The following DDX60 variants were observed in gnomAD, a reference collection of about 807,000 sequenced individuals.
DDX60 encodes probable ATP-dependent RNA helicase DDX60.
Under a neutral mutation model 212.8 loss-of-function variants are expected in DDX60, and 165 were observed. That is an observed-to-expected ratio of 0.78 (90% CI 0.68 to 0.88). The LOEUF (loss-of-function observed/expected upper bound fraction) is 0.88, where lower values mean the gene tolerates loss of function less well. Ranked by LOEUF, DDX60 falls within the 40% of genes least tolerant of loss-of-function variation. The pLI is 0.00. For synonymous variants in DDX60, 703 were observed against 685.3 expected (o/e 1.03, Z -0.40); for missense variants, 1,905 against 2,003.9 (o/e 0.95, Z 0.94).
chr4:168,316,307 ACTT>A (rs1184482236), intron 1 of DDX60, among the ~76,000 whole-genome samples: 2 of 152,214 alleles, frequency 1.3e-5, no homozygotes, highest in South Asian at 2.1e-4. Context: ...ACTGCTGTTT[ACTT>A]CTTTTTTACT....
At chr4:168,221,101 A>G (rs1453786801) in intron 36 of DDX60, among the ~76,000 whole-genome samples, 1 of 152,190 alleles carries the variant, frequency 6.6e-6, no homozygotes, top group Non-Finnish European at 1.5e-5. Context: ...ACAGTGCTCA[A>G]CATCTTTGAA....
chr4:168,296,452 A>T (rs1736347210), intron 6 of DDX60, among the ~76,000 whole-genome samples: 1 of 152,130 alleles, frequency 6.6e-6, no homozygotes, highest in Non-Finnish European at 1.5e-5. Flanking sequence ...GACAAAGAAG[A>T]ATTTGAGGGC....
chr4:168,323,917 A>T, the DDX60 span, among the ~76,000 whole-genome samples: 5 of 152,218 alleles, frequency 3.3e-5, no homozygotes, highest in Admixed American at 3.3e-4. Flanking sequence ...AAGGATGGAA[A>T]GTCGCCACAT....
intron 18 of DDX60, 28 bp downstream of exon 18, chr4:168,273,251 A>G: frequency 6.2e-7 from 1 of 1,603,686 alleles, no homozygotes; most frequent in Non-Finnish European, 8.5e-7. Flanking sequence ...ATAATTTGAT[A>G]ACACACTTAT....
In DDX60 at chr4:168,280,594, C is replaced by T; in HGVS notation, c.1723-4G>A. 4 of 1,596,658 alleles carry T rather than the reference C, an allele frequency of 2.5e-6. No individual in the cohort carries two copies. The highest frequency in any genetic ancestry group is 2.2e-5 in the East Asian group (1 of 44,738). ...CAATTATTTCAGCCTTGGTCTCCTGCCCCAAAGGAAAAAACATCTCTTAAG... is the reference window on the plus strand; with the variant it reads ...CAATTATTTCAGCCTTGGTCTCCTGTCCCAAAGGAAAAAACATCTCTTAAG... On this transcript the variant is annotated splice_polypyrimidine_tract_variant and splice_region_variant and intron_variant, in intron 13 of 37. Coordinates refer to ENST00000393743, the MANE Select transcript of DDX60 (RefSeq NM_017631.6).
intron 33 of DDX60, among the ~76,000 whole-genome samples, chr4:168,228,234 A>G (rs1317846269): frequency 2.0e-5 from 3 of 152,106 alleles, no homozygotes; most frequent in Non-Finnish European, 2.9e-5. Flanking sequence ...TAAAAATACA[A>G]TATTATATTT....
chr4:168,262,278 G>T, intron 23 of DDX60, 150 bp from the exon 24 acceptor site: 1 of 794,838 alleles, frequency 1.3e-6, no homozygotes, highest in Non-Finnish European at 1.9e-6. Context: ...AATGCATAAC[G>T]TTACTAGGAT....
chr4:168,296,874 CTTTTT>C (rs35177897), intron 6 of DDX60, among the ~76,000 whole-genome samples: 1 of 134,786 alleles, frequency 7.4e-6, no homozygotes, highest in Non-Finnish European at 1.6e-5. Flanking sequence ...AAAAAGTGAT[CTTTTT>C]TTTTTTTTTT....
In DDX60 at chr4:168,251,084, C is replaced by G. The variant is rs1406427975; in HGVS notation, c.3728G>C (p.Arg1243Pro). ...DTETLQKVFGRVKFERKGEEL... is the reference protein window; with the variant it reads ...DTETLQKVFGPVKFERKGEEL... ...TTCACCTTTTCTTTCAAATTTTACT[C>G]GACCAAATACCTTCTGCAAAGTCTA... The change falls in exon 28 of 38, where the codon CGA (arginine) becomes CCA (proline). Residue 1243 changes from arginine to proline, a missense_variant. Transcript: ENST00000393743. 1 of 1,612,656 alleles carries G rather than the reference C, an allele frequency of 6.2e-7. No homozygotes were observed. Among genetic ancestry groups the G allele is most frequent in the Non-Finnish European group, 8.5e-7 (1 of 1,179,672 alleles).
chr4:168,230,263 A>G (rs1265683054), intron 33 of DDX60, among the ~76,000 whole-genome samples: 1 of 152,104 alleles, frequency 6.6e-6, no homozygotes, highest in Non-Finnish European at 1.5e-5. Context: ...TAGCAACACA[A>G]TAATAGTGGG....
Position 168,274,032 on chromosome 4 carries a change from G to A in DDX60, c.2356C>T (p.Pro786Ser), listed in dbSNP as rs1261892307. ...GCATAGGTTTTGCCTGAGGACGTTG[G>A]GGCAACAATCACTGCTGACTCATTC... is the stretch of plus-strand genomic sequence containing the variant. ...DKNESAVIVA[P>S]TSSGKTYASY... The change falls in exon 17 of 38, where the codon CCA (proline) becomes TCA (serine). Residue 786 changes from proline to serine, a missense_variant. Pro to Ser is a moderately conservative substitution (Grantham distance 74, BLOSUM62 -1). Transcript: ENST00000393743. 3 of 1,614,050 alleles carry A rather than the reference G, an allele frequency of 1.9e-6. No individual in the cohort carries two copies. The highest frequency in any genetic ancestry group is 1.7e-6 in the Non-Finnish European group (2 of 1,180,026).
At chr4:168,248,710 T>C (rs1037873132) in intron 28 of DDX60, among the ~76,000 whole-genome samples, 2 of 152,224 alleles carry the variant, frequency 1.3e-5, no homozygotes, top group Non-Finnish European at 1.5e-5. Flanking sequence ...AGATTCATTA[T>C]TGTATCCACA....
Position 168,267,941 on chromosome 4 carries a change from TTTGTC to T in DDX60, c.2824_2828del (p.Asp942AsnfsTer3), listed in dbSNP as rs746784297. ...TAGAAGCGGTATTATTTTCAATTAT[TTTGTC>T]TTCTTGTTTCCAGTACCATTTTACC... On this transcript the variant is annotated frameshift_variant, in exon 21 of 38. Coordinates refer to ENST00000393743, the MANE Select transcript of DDX60 (RefSeq NM_017631.6). LOFTEE classifies it high-confidence loss of function. The T allele has an allele frequency of 1.2e-6, 2 of 1,613,274 alleles. No homozygotes were observed. Among genetic ancestry groups the T allele is most frequent in the Admixed American group, 3.3e-5 (2 of 59,994 alleles).
rs913371363 is a variant in DDX60, at chr4:168,290,381, T to A, written c.1041+1367A>T. ...CCTCGCTCTGTCACCCAGGCTGGAG[T>A]ACAGTGGTGCGATCTCGGCTCACTG... On this transcript the variant is annotated intron_variant, in intron 8 of 37. Transcript: ENST00000393743. Among the ~76,000 whole-genome samples the A allele has an allele frequency of 6.7e-5, 10 of 149,324 alleles. 1 individual carries two copies. The South Asian group carries it at 1.1e-3, about 16-fold the overall frequency.
In DDX60 at chr4:168,248,236, C is replaced by G. The variant is rs1436418387; in HGVS notation, c.3915G>C (p.Val1305=). 1 of 1,609,914 alleles carries G rather than the reference C, an allele frequency of 6.2e-7. No individual in the cohort carries two copies. The highest frequency in any genetic ancestry group is 1.7e-5 in the Admixed American group (1 of 59,326). The change falls in exon 29 of 38, where the codon GTG becomes GTC. Residue 1305 remains valine (V), a synonymous_variant. Transcript: ENST00000393743. ...ALGVNMPCKS[V]VFAQNSVYLD... is the part of the protein sequence containing the mutation. ...GATAGACTGAGTTTTGAGCAAAAAC[C>G]ACAGATTTACAAGGCATGTTGACAC...
At chr4:168,277,537 C>T (rs1302320290) in intron 14 of DDX60, among the ~76,000 whole-genome samples, 1 of 152,070 alleles carries the variant, frequency 6.6e-6, no homozygotes, top group Admixed American at 6.5e-5. Context: ...TGGTTCAAAA[C>T]TATTAAATGA....
At chr4:168,240,717 A>C (rs1733807788) in intron 30 of DDX60, among the ~76,000 whole-genome samples, 2 of 152,172 alleles carry the variant, frequency 1.3e-5, no homozygotes, top group South Asian at 4.2e-4. Flanking sequence ...AATAAATGGT[A>C]ATAGAAGACC....
At chr4:168,283,425 G>T (rs1469126339) in intron 13 of DDX60, 21 bp downstream of exon 13, 1 of 1,603,068 alleles carries the variant, frequency 6.2e-7, no homozygotes, top group South Asian at 1.1e-5. Flanking sequence ...TTTTTAATTG[G>T]ATAGAATTTA....
intron 25 of DDX60, among the ~76,000 whole-genome samples, chr4:168,259,924 A>G (rs1194742557): frequency 6.6e-6 from 1 of 152,074 alleles, no homozygotes; most frequent in African/African-American, 2.4e-5. Flanking sequence ...GTGCATATAT[A>G]TTCAATTTGT....
Sources: gnomAD v4.1 joint callset for allele counts (sites outside exome capture counted in the v4.1 genomes callset) on GRCh38, gnomAD v4.1.1 for gene constraint, MANE v1.5 for transcripts, NCBI Gene and HGNC (gene_info 2026-07-23, HGNC 2026-07-21) for gene names.